Variants in SUGCT observed in about 807,000 individuals in gnomAD.
SUGCT encodes succinyl-CoA:glutarate-CoA transferase, also known as succinyl-CoA:glutarate CoA-transferase.
A neutral mutation model predicts 55.0 loss-of-function variants in SUGCT; 41 were observed. That is an observed-to-expected ratio of 0.74 (90% CI 0.58 to 0.97). The LOEUF is 0.97. SUGCT is among the 50% of genes least tolerant of loss of function. The pLI is 0.00. For synonymous variants in SUGCT, 187 were observed against 200.4 expected, an observed-to-expected ratio of 0.93 and a Z score of 0.56; for missense variants, 568 against 547.8, an observed-to-expected ratio of 1.04 and a Z score of -0.37.
chr7:40,764,832 TA>T (rs537198838), intron 13 of SUGCT, among the ~76,000 whole-genome samples: 142 of 152,182 alleles, frequency 9.3e-4, no homozygotes, highest in Admixed American at 2.7e-3. Context: ...TGGAGAGGAG[TA>T]AGATCACAGC....
chr7:40,422,837 C>T (rs1787385244), intron 9 of SUGCT, among the ~76,000 whole-genome samples: 1 of 150,538 alleles, frequency 6.6e-6, no homozygotes, highest in African/African-American at 2.4e-5. Context: ...AAAAAAACCA[C>T]CAACTCCCTA....
At chr7:40,544,699 G>A (rs1397394577) in intron 12 of SUGCT, among the ~76,000 whole-genome samples, 1 of 152,168 alleles carries the variant, frequency 6.6e-6, no homozygotes, top group Admixed American at 6.5e-5. Flanking sequence ...GCTTTGGGGA[G>A]CAGTGGGGTG....
intron 9 of SUGCT, 100 bp downstream of exon 9, chr7:40,316,955 G>GTGTTTTTT: frequency 5.4e-6 from 1 of 186,724 alleles, no homozygotes; most frequent in Non-Finnish European, 9.8e-6. Context: ...TCCTTCAGCT[G>GTGTTTTTT]TTTTTTTTTT....
chr7:40,624,220 A>ATCTTCC (rs1799408568), intron 12 of SUGCT, among the ~76,000 whole-genome samples: 1 of 152,120 alleles, frequency 6.6e-6, no homozygotes, highest in South Asian at 2.1e-4. Flanking sequence ...CTCCCCCAGT[A>ATCTTCC]TCTTCCTCTT....
intron 12 of SUGCT, among the ~76,000 whole-genome samples, chr7:40,719,822 A>G (rs1786224206): frequency 6.6e-6 from 1 of 152,240 alleles, no homozygotes; most frequent in South Asian, 2.1e-4. Context: ...TTTTTGAGAC[A>G]GAGTCTCACT....
At chr7:40,930,793 G>A in the SUGCT span, among the ~76,000 whole-genome samples, 2 of 152,210 alleles carry the variant, frequency 1.3e-5, no homozygotes, top group Admixed American at 6.5e-5. Flanking sequence ...CTTTGCTGAA[G>A]TTGCTTATCA....
At chr7:40,790,706 G>C (rs55641974) in intron 13 of SUGCT, among the ~76,000 whole-genome samples, 13,305 of 152,150 alleles carry the variant, frequency 0.087, 674 homozygotes, top group Middle Eastern at 0.17. Flanking sequence ...TTTAAATTCT[G>C]ATAACCTTGA....
chr7:40,188,734 C>A (rs897880581), intron 4 of SUGCT, among the ~76,000 whole-genome samples, 154 bp downstream of exon 4: 1 of 151,880 alleles, frequency 6.6e-6, no homozygotes, highest in Non-Finnish European at 1.5e-5. Context: ...TTACCATTCA[C>A]TAAGTAGAAA....
chr7:40,780,598 A>G (rs1789686352), intron 13 of SUGCT, among the ~76,000 whole-genome samples: 1 of 152,170 alleles, frequency 6.6e-6, no homozygotes, highest in Non-Finnish European at 1.5e-5. Flanking sequence ...TAAATTTTGG[A>G]AATGATTCTC....
chr7:40,284,482 C>T (rs1466277894), intron 8 of SUGCT, among the ~76,000 whole-genome samples: 1 of 151,778 alleles, frequency 6.6e-6, no homozygotes, highest in African/African-American at 2.4e-5. Flanking sequence ...GTGGCGGGCA[C>T]CTGTAATCCC....
At chr7:40,571,665 T>A (rs879327417) in intron 12 of SUGCT, among the ~76,000 whole-genome samples, 7 of 152,050 alleles carry the variant, frequency 4.6e-5, no homozygotes, top group Admixed American at 6.6e-5. Flanking sequence ...TGAAAAAAAA[T>A]TCATTGGCTT....
intron 12 of SUGCT, among the ~76,000 whole-genome samples, chr7:40,496,882 G>T (rs1290201001): frequency 8.1e-6 from 1 of 123,208 alleles, no homozygotes; most frequent in Non-Finnish European, 1.7e-5. Flanking sequence ...TGTTTGCTTT[G>T]ATGAATATGT....
chr7:40,303,973 C>T (rs566079578), intron 8 of SUGCT, among the ~76,000 whole-genome samples: 2 of 148,416 alleles, frequency 1.3e-5, no homozygotes, highest in South Asian at 2.1e-4. Flanking sequence ...TAATTGAACT[C>T]GGGAGGTGGA....
the SUGCT span, among the ~76,000 whole-genome samples, chr7:40,981,460 A>G: frequency 6.6e-6 from 1 of 152,052 alleles, no homozygotes; most frequent in Non-Finnish European, 1.5e-5. Context: ...TGAATGCATG[A>G]TCTCTTATTA....
rs200586474 is a variant in SUGCT, at chr7:40,854,419, C to CTTTCCTTT, written c.1154-5897_1154-5896insTTTCCTTT. Among the ~76,000 whole-genome samples the CTTTCCTTT allele has an allele frequency of 2.6e-3, 235 of 88,774 alleles. 1 individual carries two copies. Among genetic ancestry groups the CTTTCCTTT allele is most frequent in the African/African-American group, 3.8e-3 (82 of 21,398 alleles). 58.2% of individuals were successfully genotyped at this position (88,774 alleles called of 152,430 possible). ...TTTTTCTTTCTTTCTTTCTTTCTTT[C>CTTTCCTTT]CTTTCTTTCTTTCTTTCTTTCTTTC... On this transcript the variant is annotated intron_variant, in intron 13 of 13. Coordinates refer to ENST00000335693, the MANE Select transcript of SUGCT (RefSeq NM_001193313.2).
rs1440819744 is a variant in SUGCT at position 40,458,964 on chromosome 7, T to C, written c.889-137T>C. ...CCTAATCGTGTGCTTGTTCCCTCCA[T>C]ATGTCCTTGTTGAGGGGCATAAAGA... On this transcript the variant is annotated intron_variant, in intron 10 of 13. Transcript: ENST00000335693. 6.6e-6 allele frequency: 4 copies of C among 606,162 alleles called. No homozygotes were observed. The East Asian group carries it at 1.1e-4, about 17-fold the overall frequency. The allele number at this position is 606,162 out of a possible 1,614,324, so 37.5% of individuals were successfully genotyped here.
Position 40,763,107 on chromosome 7 carries a change from C to T in SUGCT, c.1153+13610C>T, listed in dbSNP as rs1039724438. On this transcript the variant is annotated intron_variant, in intron 13 of 13. Transcript: ENST00000335693. ...GCTGGGATTACAGGCATGAGCCACC[C>T]CTCCCAGCCAGCATAAAAAATTTTA... is the stretch of plus-strand genomic sequence containing the variant. Among the ~76,000 whole-genome samples, 15 of 152,020 alleles carry T rather than the reference C, an allele frequency of 9.9e-5. No homozygotes were observed. In the South Asian group the frequency reaches 1.0e-3, roughly 11 times the overall value.
intron 12 of SUGCT, among the ~76,000 whole-genome samples, chr7:40,748,401 G>A (rs1392130535): frequency 6.6e-6 from 1 of 151,972 alleles, no homozygotes; most frequent in East Asian, 1.9e-4. Flanking sequence ...TATAATTTAT[G>A]ATTGTATATG....
At chr7:40,407,835 A>C (rs948964806) in intron 9 of SUGCT, among the ~76,000 whole-genome samples, 16 of 152,150 alleles carry the variant, frequency 1.1e-4, no homozygotes, top group African/African-American at 3.9e-4. Context: ...TATTCTCTGA[A>C]ATAAGAGCCA....
Sources: allele counts gnomAD v4.1 joint callset (sites outside exome capture counted in the v4.1 genomes callset), GRCh38; gene constraint gnomAD v4.1.1; transcripts MANE v1.5; gene names NCBI Gene and HGNC (gene_info 2026-07-23, HGNC 2026-07-21).